The following SCAF1 variants were observed in gnomAD, a reference collection of about 807,000 sequenced individuals.
SCAF1 encodes the protein splicing factor, arginine/serine-rich 19.
Under a neutral mutation model 91.2 loss-of-function variants are expected in SCAF1, and 28 were observed. That is an observed-to-expected ratio of 0.31 (90% CI 0.23 to 0.42). The LOEUF (loss-of-function observed/expected upper bound fraction) is 0.42, where lower values mean the gene tolerates loss of function less well. Among genes scored for constraint, SCAF1 ranks in the 10% least tolerant of loss-of-function variants. The probability of loss-of-function intolerance (pLI) is 1.00; values close to 1 mark genes in which losing one functional copy is unlikely to be tolerated. For missense variants in SCAF1, 1,893 were observed against 1,872.1 expected (o/e 1.01, Z -0.21); for synonymous variants, 1,036 against 833.7 (o/e 1.24, Z -4.18).
chr19:49,657,250 G>C (rs931828083), intron 9 of SCAF1, among the ~76,000 whole-genome samples: 3 of 152,130 alleles, frequency 2.0e-5, no homozygotes, highest in Non-Finnish European at 4.4e-5. Flanking sequence ...TGATACAAAT[G>C]GGCTCAAGGT....
Position 49,652,336 on chromosome 19 carries a change from C to T in SCAF1, c.1947C>T (p.Ser649=). The change falls in exon 7 of 11, where the codon TCC becomes TCT. Residue 649 remains serine (S), a synonymous_variant. Transcript: ENST00000360565. The part of the protein sequence containing the change: ...GSKKKKKRSR[S]RGEKRSGDGS... ...AGAAGAAGAAGAAGCGGTCGCGGTC[C>T]CGGGGTGAGAAGCGGTCTGGGGATG... is the stretch of plus-strand genomic sequence containing the variant. 6.5e-7 allele frequency: 1 copy of T among 1,537,114 alleles called. No homozygotes were observed. The highest frequency in any genetic ancestry group is 1.2e-5 in the South Asian group (1 of 83,370).
At position 49,646,314 on chromosome 19, in the gene SCAF1, T is replaced by C. The variant is rs1343742883; in HGVS notation, c.261+112T>C. ...GGGACCTGGACTCCTGGCTCTGCGA[T>C]GCTGACCAGGGGCAATGTTGGAGAG... On this transcript the variant is annotated intron_variant, in intron 4 of 10. Coordinates refer to ENST00000360565, the MANE Select transcript of SCAF1 (RefSeq NM_021228.3). The surrounding 1 kb of genome is among the most constrained non-coding windows in gnomAD (Gnocchi z 5.6). 4 of 999,250 alleles carry C rather than the reference T, an allele frequency of 4.0e-6. No homozygotes were observed. Among genetic ancestry groups the C allele is most frequent in the Non-Finnish European group, 4.4e-6 (3 of 684,290 alleles). 61.9% of individuals were successfully genotyped at this position (999,250 alleles called of 1,614,324 possible). A position where few individuals can be genotyped will look rare whatever the true frequency, so the allele number is the denominator to read the frequency against.
chr19:49,648,559 C>A (rs1350083976), intron 6 of SCAF1, among the ~76,000 whole-genome samples: 1 of 124,710 alleles, frequency 8.0e-6, no homozygotes, highest in Non-Finnish European at 1.7e-5. Context: ...ATGCCTGCCA[C>A]ACCCCCCCCC....
chr19:49,644,928 T>TA (rs1402755172), intron 1 of SCAF1, 93 bp from the exon 2 acceptor site: 2 of 800,816 alleles, frequency 2.5e-6, no homozygotes, highest in Admixed American at 4.7e-5. Flanking sequence ...CTGAGGGAGA[T>TA]AGTGTGGGGC....
In SCAF1 at chr19:49,646,254, G is replaced by A; in HGVS notation, c.261+52G>A. The A allele has an allele frequency of 6.9e-7, 1 of 1,455,694 alleles. No homozygotes were observed. The highest frequency in any genetic ancestry group is 9.4e-7 in the Non-Finnish European group (1 of 1,063,982). The allele number at this position is 1,455,694 out of a possible 1,614,324, so 90.2% of individuals were successfully genotyped here. A position where few individuals can be genotyped will look rare whatever the true frequency, so the allele number is the denominator to read the frequency against. ...CTGGCTCACGGGTATCAGGGAGGAAGGGATGGGGGCCTGAGTCTGGGGGAA... is the reference window on the plus strand; with the variant it reads ...CTGGCTCACGGGTATCAGGGAGGAAAGGATGGGGGCCTGAGTCTGGGGGAA... On this transcript the variant is annotated intron_variant, in intron 4 of 10. Coordinates refer to ENST00000360565, the MANE Select transcript of SCAF1 (RefSeq NM_021228.3). This position sits in a 1 kb window ranked among gnomAD's most constrained non-coding sequence, Gnocchi z 5.6.
At position 49,652,671 on chromosome 19, in the gene SCAF1, C is replaced by T. The variant is rs772383494; in HGVS notation, c.2282C>T (p.Ser761Phe). 4.5e-6 allele frequency: 7 copies of T among 1,564,770 alleles called. No homozygotes were observed. Among genetic ancestry groups the T allele is most frequent in the South Asian group, 1.2e-5 (1 of 85,834 alleles). Reference sequence around the variant, plus strand: ...CGCTCGGGGGCCGCCTCCTCCTCCTCCTCTTCCCGGGAGAAGGGGTCTCGT... The same window carrying T: ...CGCTCGGGGGCCGCCTCCTCCTCCTTCTCTTCCCGGGAGAAGGGGTCTCGT... Reference protein sequence around the residue: ...RRRSGAASSSSSSREKGSRRK... With the variant: ...RRRSGAASSSFSSREKGSRRK... The change falls in exon 7 of 11, where the codon TCC becomes TTC. Residue 761 changes from serine (S) to phenylalanine (F), a missense_variant. Physicochemically the swap from Ser to Phe is radical, Grantham distance 155. Transcript: ENST00000360565.
chr19:49,646,180 CAG>C lies in SCAF1; in HGVS notation c.240_241del (p.Gly82HisfsTer2). Reference sequence around the variant, plus strand: ...CGGTCAGAGCCCCGTTCCCAGGAATCAGGGGGCACTGACACGGCTACTGTGAG... The same window carrying C: ...CGGTCAGAGCCCCGTTCCCAGGAATCGGGGCACTGACACGGCTACTGTGAG... On this transcript the variant is annotated frameshift_variant, in exon 4 of 11. Coordinates refer to ENST00000360565, the MANE Select transcript of SCAF1 (RefSeq NM_021228.3). LOFTEE classifies it high-confidence loss of function. The surrounding 1 kb of genome is among the most constrained non-coding windows in gnomAD (Gnocchi z 5.6). 2 of 1,609,208 alleles carry C rather than the reference CAG, an allele frequency of 1.2e-6. No individual in the cohort carries two copies. Among genetic ancestry groups the C allele is most frequent in the Non-Finnish European group, 1.7e-6 (2 of 1,179,666 alleles).
At position 49,646,905 on chromosome 19, in the gene SCAF1, G is replaced by A; in HGVS notation, c.478+75G>A. ...GGATCGGCTGTTTTTGGTAGTGATG[G>A]TAGCGGTGATCATGTTATTTAGACA... On this transcript the variant is annotated intron_variant, in intron 6 of 10. Coordinates refer to ENST00000360565, the MANE Select transcript of SCAF1 (RefSeq NM_021228.3). This position sits in a 1 kb window ranked among gnomAD's most constrained non-coding sequence, Gnocchi z 5.6. The A allele has an allele frequency of 9.2e-7, 1 of 1,091,586 alleles. No individual in the cohort carries two copies. The highest frequency in any genetic ancestry group is 2.5e-5 in the Admixed American group (1 of 40,660). 67.6% of individuals were successfully genotyped at this position (1,091,586 alleles called of 1,614,324 possible). A position where few individuals can be genotyped will look rare whatever the true frequency, so the allele number is the denominator to read the frequency against.
In SCAF1 at chr19:49,651,283, G is replaced by A. The variant is rs1311315672; in HGVS notation, c.894G>A (p.Ser298=). The part of the protein sequence containing the change: ...EGLSQSISRI[S]ETLAGIYDDN... ...TGTCCCAGAGCATCAGCCGCATCTC[G>A]GAGACCCTGGCGGGCATCTACGATG... The change falls in exon 7 of 11, where the codon TCG becomes TCA. Residue 298 remains serine (S), a synonymous_variant. Coordinates refer to ENST00000360565, the MANE Select transcript of SCAF1 (RefSeq NM_021228.3). The A allele has an allele frequency of 1.9e-6, 3 of 1,611,518 alleles. No individual in the cohort carries two copies. The highest frequency in any genetic ancestry group is 1.1e-5 in the South Asian group (1 of 91,030).
chr19:49,653,598 C>G lies in SCAF1; in HGVS notation c.3209C>G (p.Ala1070Gly). ...SAGSTAGDSG[A>G]EDGPASRVSQ... ...GGGTCCACAGCCGGTGACTCGGGGG[C>G]GGAGGACGGGCCAGCTTCCCGTGTC... is the stretch of plus-strand genomic sequence containing the variant. Residue 1070 changes from alanine to glycine, a missense_variant, in exon 7 of 11, where the codon GCG (alanine) becomes GGG (glycine). This residue lies in a region of SCAF1 where 1,436 missense variants were observed against 1,306.8 expected (regional missense o/e 1.10). Coordinates refer to ENST00000360565, the MANE Select transcript of SCAF1 (RefSeq NM_021228.3). 2 of 1,582,550 alleles carry G rather than the reference C, an allele frequency of 1.3e-6. No individual in the cohort carries two copies. Among genetic ancestry groups the G allele is most frequent in the Non-Finnish European group, 1.7e-6 (2 of 1,169,878 alleles).
At chr19:49,644,083 C>T (rs1235827335) in intron 1 of SCAF1, among the ~76,000 whole-genome samples, 1 of 152,198 alleles carries the variant, frequency 6.6e-6, no homozygotes, top group Non-Finnish European at 1.5e-5. Flanking sequence ...CAGCCATTCT[C>T]TGAGATAGAT....
chr19:49,641,325 T>A (rs575146200), upstream of SCAF1, among the ~76,000 whole-genome samples: 5 of 152,276 alleles, frequency 3.3e-5, no homozygotes, highest in South Asian at 1.0e-3. Flanking sequence ...TTTTTATTTG[T>A]TTATTTTTGA....
In SCAF1 at chr19:49,651,415, C is replaced by T. The variant is rs762051413; in HGVS notation, c.1026C>T (p.Thr342=). The part of the protein sequence containing the change: ...APGTPPQVDS[T]RADGAMRRRV... ...GAACGCCGCCCCAGGTGGACTCCAC[C>T]CGGGCTGATGGAGCCATGCGCCGGC... The change falls in exon 7 of 11, where the codon ACC becomes ACT. Residue 342 remains threonine, a synonymous_variant. Coordinates refer to ENST00000360565, the MANE Select transcript of SCAF1 (RefSeq NM_021228.3). 6.2e-7 allele frequency: 1 copy of T among 1,606,114 alleles called. No homozygotes were observed.
chr19:49,653,041 C>T lies in SCAF1; in HGVS notation c.2652C>T (p.Pro884=), dbSNP rs747809301. ...SPFLKPDERA[P]TEMAKAAPGS... ...TCCTCAAACCTGACGAGCGGGCCCC[C>T]ACTGAGATGGCCAAAGCAGCTCCGG... Residue 884 remains proline (P), a synonymous_variant, in exon 7 of 11, where the codon CCC becomes CCT. Coordinates refer to ENST00000360565, the MANE Select transcript of SCAF1 (RefSeq NM_021228.3). The T allele has an allele frequency of 6.2e-7, 1 of 1,613,990 alleles. No individual in the cohort carries two copies. Among genetic ancestry groups the T allele is most frequent in the South Asian group, 1.1e-5 (1 of 91,068 alleles).
Position 49,654,337 on chromosome 19 carries a change from T to C in SCAF1, c.3317-12T>C. The C allele has an allele frequency of 6.2e-7, 1 of 1,612,716 alleles. No homozygotes were observed. ...TCCCATCTTCATGTTGTCACCTCTC[T>C]GCCTCCTGCAGTGACTGCACTTCTC... On this transcript the variant is annotated splice_polypyrimidine_tract_variant and intron_variant, in intron 7 of 10. Transcript: ENST00000360565.
At chr19:49,648,969 C>CAAAA (rs71180644) in intron 6 of SCAF1, among the ~76,000 whole-genome samples, 4 of 63,950 alleles carry the variant, frequency 6.3e-5, no homozygotes, top group Admixed American at 1.7e-4. Context: ...GACTCCCTCT[C>CAAAA]AAAAAAAAAA....
chr19:49,641,477 A>G (rs1232494971), upstream of SCAF1, among the ~76,000 whole-genome samples: 2 of 151,988 alleles, frequency 1.3e-5, no homozygotes, highest in African/African-American at 4.8e-5. Context: ...CCACCACGCC[A>G]GGCTAATTTT....
Position 49,653,606 on chromosome 19 carries a change from G to A in SCAF1, c.3217G>A (p.Gly1073Arg), listed in dbSNP as rs756025996. ...STAGDSGAEDGPASRVSQLPT... is the reference protein window; with the variant it reads ...STAGDSGAEDRPASRVSQLPT... ...AGCCGGTGACTCGGGGGCGGAGGAC[G>A]GGCCAGCTTCCCGTGTCTCCCAGCT... is the stretch of plus-strand genomic sequence containing the variant. The change falls in exon 7 of 11, where the codon GGG becomes AGG. Residue 1073 changes from glycine (G) to arginine (R), a missense_variant. Physicochemically the swap from Gly to Arg is moderately radical, Grantham distance 125. Coordinates refer to ENST00000360565, the MANE Select transcript of SCAF1 (RefSeq NM_021228.3). The A allele has an allele frequency of 1.2e-5, 19 of 1,583,610 alleles. No homozygotes were observed. The highest frequency in any genetic ancestry group is 1.5e-5 in the Non-Finnish European group (17 of 1,170,374).
intron 6 of SCAF1, among the ~76,000 whole-genome samples, chr19:49,649,068 T>G (rs908162324): frequency 1.3e-5 from 2 of 152,018 alleles, no homozygotes; most frequent in African/African-American, 2.4e-5. Flanking sequence ...ACAGGTGGTA[T>G]GCTGGATTTG....
Sources: gnomAD v4.1 joint callset for allele counts (sites outside exome capture counted in the v4.1 genomes callset) on GRCh38, gnomAD v4.1.1 for gene constraint, gnomAD v4.1.1 regional missense constraint, Gnocchi (gnomAD v3.1) non-coding constraint, MANE v1.5 for transcripts, NCBI Gene and HGNC (gene_info 2026-07-23, HGNC 2026-07-21) for gene names.